The following NEO1 variants were observed in gnomAD, a reference collection of about 807,000 sequenced individuals.
The protein encoded by NEO1 is neogenin 1, also known as neogenin.
In NEO1, 63 loss-of-function variants were observed where a neutral mutation model predicts 159.7. The ratio of observed to expected loss-of-function variants is 0.39; its 90% confidence interval spans 0.32 to 0.49. The LOEUF is 0.49. NEO1 is among the 20% of genes least tolerant of loss of function. The pLI, the probability that NEO1 is intolerant of heterozygous loss-of-function variation, is 0.85. For missense variants in NEO1, 1,615 were observed against 1,831.0 expected, an observed-to-expected ratio of 0.88 and a Z score of 2.15; for synonymous variants, 633 against 662.0, an observed-to-expected ratio of 0.96 and a Z score of 0.67.
chr15:73,273,718 T>A (rs1004699751), intron 19 of NEO1, 93 bp from the exon 20 acceptor site: 2 of 862,702 alleles, frequency 2.3e-6, no homozygotes, highest in Non-Finnish European at 1.8e-6. Context: ...TATGCTATAA[T>A]ATTCATATGA....
chr15:73,217,281 TG>T (rs2037948600), intron 7 of NEO1, among the ~76,000 whole-genome samples: 1 of 150,712 alleles, frequency 6.6e-6, no homozygotes, highest in Admixed American at 6.6e-5. Flanking sequence ...TCTGTTCCAT[TG>T]ATCTATATCT....
chr15:73,077,794 A>G lies in NEO1; in HGVS notation c.130+24989A>G, dbSNP rs545945694. 7.9e-5 allele frequency among the ~76,000 whole-genome samples: 12 copies of G among 152,326 alleles called. No homozygotes were observed. The South Asian group carries it at 2.5e-3, about 32-fold the overall frequency. ...GAGGAGAAGGTGATATATGCTGTAA[A>G]AGGGGTGCAGAGTGCTTTGGGTTTT... On this transcript the variant is annotated intron_variant, in intron 1 of 28. Transcript: ENST00000261908.
intron 1 of NEO1, among the ~76,000 whole-genome samples, chr15:73,095,377 T>C (rs1380734990): frequency 3.3e-5 from 5 of 152,202 alleles, no homozygotes; most frequent in Non-Finnish European, 7.3e-5. Flanking sequence ...CTGAAAAGCC[T>C]AACATATTTT....
intron 7 of NEO1, among the ~76,000 whole-genome samples, chr15:73,208,218 T>G (rs2037344303): frequency 1.3e-5 from 2 of 152,214 alleles, no homozygotes. Flanking sequence ...ACAAAGCAAT[T>G]GATTATAAGC....
chr15:73,274,810 T>C, intron 21 of NEO1, 86 bp downstream of exon 21: 1 of 1,338,172 alleles, frequency 7.5e-7, no homozygotes, highest in Non-Finnish European at 1.0e-6. Context: ...TTTTTTTTTT[T>C]TTCCTGAAAA....
rs560412568 is a variant in NEO1 at position 73,216,636 on chromosome 15, G to C, written c.1292-19711G>C. Among the ~76,000 whole-genome samples, 254 of 152,254 alleles carry C rather than the reference G, an allele frequency of 1.7e-3. 1 individual carries two copies. The highest frequency in any genetic ancestry group is 5.8e-3 in the African/African-American group (240 of 41,568). ...TAATGATTGCCATTCTAACTGGTGTGAGATGATATCTCATTGTGGTTTTGA... is the reference window on the plus strand; with the variant it reads ...TAATGATTGCCATTCTAACTGGTGTCAGATGATATCTCATTGTGGTTTTGA... On this transcript the variant is annotated intron_variant, in intron 7 of 28. Coordinates refer to ENST00000261908, the MANE Select transcript of NEO1 (RefSeq NM_002499.4).
chr15:73,133,521 G>T (rs910038984), intron 4 of NEO1, among the ~76,000 whole-genome samples: 2 of 152,078 alleles, frequency 1.3e-5, no homozygotes, highest in Non-Finnish European at 2.9e-5. Flanking sequence ...GTAACCAAAC[G>T]CAACCTGTTC....
intron 9 of NEO1, among the ~76,000 whole-genome samples, chr15:73,245,578 CTTT>C (rs1228513120): frequency 7.0e-6 from 1 of 142,534 alleles, no homozygotes. Context: ...TCAGTGTATT[CTTT>C]TTTTTTTTTT....
chr15:73,204,843 G>A (rs1428807239), intron 7 of NEO1, among the ~76,000 whole-genome samples: 1 of 152,110 alleles, frequency 6.6e-6, no homozygotes, highest in African/African-American at 2.4e-5. Context: ...TTGGTGTCTT[G>A]TATGCAGTAA....
chr15:73,293,824 T>G (rs796678481), intron 26 of NEO1, among the ~76,000 whole-genome samples: 1 of 152,334 alleles, frequency 6.6e-6, no homozygotes, highest in African/African-American at 2.4e-5. Context: ...GCACTTTAAC[T>G]CAGTCTTTTT....
intron 27 of NEO1, 58 bp downstream of exon 27, chr15:73,298,669 A>C: frequency 6.3e-7 from 1 of 1,597,840 alleles, no homozygotes; most frequent in Non-Finnish European, 8.6e-7. Flanking sequence ...CCTTTGGCTC[A>C]AGCTTGGGAC....
chr15:73,078,619 C>T (rs1004563156), intron 1 of NEO1, among the ~76,000 whole-genome samples: 2 of 152,206 alleles, frequency 1.3e-5, no homozygotes, highest in African/African-American at 4.8e-5. Flanking sequence ...GGGTGTGGCA[C>T]GGGCAACCGT....
chr15:73,222,622 G>A (rs2150767547), intron 7 of NEO1, among the ~76,000 whole-genome samples: 1 of 152,192 alleles, frequency 6.6e-6, no homozygotes, highest in Admixed American at 6.5e-5. Flanking sequence ...ATTTCTTAAT[G>A]AGATTTTTTG....
intron 1 of NEO1, among the ~76,000 whole-genome samples, chr15:73,067,229 AGGATTTCTGTAATTG>A (rs1234216497): frequency 2.0e-5 from 3 of 152,142 alleles, no homozygotes; most frequent in African/African-American, 7.2e-5. Context: ...AAGTTTCTTT[AGGATTTCTGTAATTG>A]GGATTTCTGC....
intron 20 of NEO1, 126 bp from the exon 21 acceptor site, chr15:73,274,566 A>G (rs2041317826): frequency 1.1e-6 from 1 of 872,218 alleles, no homozygotes; most frequent in Admixed American, 2.2e-5. Flanking sequence ...ACTAAAGTCA[A>G]GTTTCAGTTT....
intron 7 of NEO1, among the ~76,000 whole-genome samples, chr15:73,213,971 G>A (rs770924087): frequency 6.6e-6 from 1 of 152,196 alleles, no homozygotes; most frequent in Non-Finnish European, 1.5e-5. Flanking sequence ...TCTTGCAGGA[G>A]TAAGGTGGTA....
intron 2 of NEO1, among the ~76,000 whole-genome samples, chr15:73,121,219 C>G (rs975909111): frequency 6.6e-6 from 1 of 152,298 alleles, no homozygotes; most frequent in African/African-American, 2.4e-5. Flanking sequence ...ACCCGCCTGT[C>G]CTCCTCCCAC....
intron 4 of NEO1, among the ~76,000 whole-genome samples, chr15:73,131,758 T>C (rs1310588749): frequency 6.6e-6 from 1 of 152,230 alleles, no homozygotes; most frequent in Admixed American, 6.5e-5. Context: ...TCCGTTGTTC[T>C]TAGGTTAAGG....
At chr15:73,110,062 A>G (rs1246153777) in intron 1 of NEO1, among the ~76,000 whole-genome samples, 2 of 152,178 alleles carry the variant, frequency 1.3e-5, no homozygotes, top group African/African-American at 4.8e-5. Context: ...TTGAATGTTA[A>G]ATTATTTTAA....
Sources: allele counts gnomAD v4.1 joint callset (sites outside exome capture counted in the v4.1 genomes callset), GRCh38; gene constraint gnomAD v4.1.1; transcripts MANE v1.5; gene names NCBI Gene and HGNC (gene_info 2026-07-23, HGNC 2026-07-21).